The following CSNK1G1 variants were observed in gnomAD, a reference collection of about 807,000 sequenced individuals.
CSNK1G1 encodes the protein casein kinase I isoform gamma-1.
In CSNK1G1, 22 loss-of-function variants were observed where a neutral mutation model predicts 59.6. The observed-to-expected ratio is 0.37, with a 90% confidence interval of 0.26 to 0.53. CSNK1G1 has a LOEUF of 0.53. Among genes scored for constraint, CSNK1G1 ranks in the 20% least tolerant of loss-of-function variants. CSNK1G1 has a pLI of 0.89. For missense variants in CSNK1G1, 384 were observed against 519.5 expected, an observed-to-expected ratio of 0.74 and a Z score of 2.54; for synonymous variants, 179 against 177.1, an observed-to-expected ratio of 1.01 and a Z score of -0.08.
At chr15:64,224,751 C>T (rs959611905) in intron 4 of CSNK1G1, among the ~76,000 whole-genome samples, 8 of 152,228 alleles carry the variant, frequency 5.3e-5, no homozygotes, top group African/African-American at 1.9e-4. Context: ...ACATAGGCTG[C>T]TAACACGAGC....
At chr15:64,354,178 G>A (rs971168646) in intron 1 of CSNK1G1, among the ~76,000 whole-genome samples, 3 of 152,024 alleles carry the variant, frequency 2.0e-5, no homozygotes, top group Non-Finnish European at 2.9e-5. Flanking sequence ...AGTGGCAGGC[G>A]CCTGTGATCC....
At chr15:64,261,068 C>T (rs559215298) in intron 2 of CSNK1G1, among the ~76,000 whole-genome samples, 35 of 152,194 alleles carry the variant, frequency 2.3e-4, no homozygotes, top group Middle Eastern at 3.4e-3. Context: ...CTAAAGGTTA[C>T]TTTATGTTTC....
intron 2 of CSNK1G1, among the ~76,000 whole-genome samples, chr15:64,299,982 G>T (rs1392670074): frequency 6.6e-6 from 1 of 152,048 alleles, no homozygotes; most frequent in Non-Finnish European, 1.5e-5. Context: ...GCATCACCTG[G>T]AATTTGTAAA....
At chr15:64,201,881 G>A (rs2082114647) in intron 10 of CSNK1G1, among the ~76,000 whole-genome samples, 2 of 152,096 alleles carry the variant, frequency 1.3e-5, no homozygotes, top group South Asian at 4.2e-4. Flanking sequence ...AATTTGATAT[G>A]TGATAATTAT....
At chr15:64,295,054 AC>A (rs1203285857) in intron 2 of CSNK1G1, among the ~76,000 whole-genome samples, 2 of 152,128 alleles carry the variant, frequency 1.3e-5, no homozygotes, top group Non-Finnish European at 2.9e-5. Context: ...ACATGGTGAA[AC>A]CCCATCTCTA....
intron 2 of CSNK1G1, among the ~76,000 whole-genome samples, chr15:64,293,411 A>C (rs897502850): frequency 8.5e-5 from 13 of 152,236 alleles, no homozygotes; most frequent in African/African-American, 3.1e-4. Flanking sequence ...ATTTTCCCCT[A>C]TCAGACTGTC....
chr15:64,326,228 G>A (rs980902877), intron 1 of CSNK1G1, among the ~76,000 whole-genome samples: 1 of 152,108 alleles, frequency 6.6e-6, no homozygotes, highest in African/African-American at 2.4e-5. Context: ...GTTTTGCCAT[G>A]TTGCTCAGGC....
At chr15:64,293,778 T>C (rs949880248) in intron 2 of CSNK1G1, among the ~76,000 whole-genome samples, 2 of 152,106 alleles carry the variant, frequency 1.3e-5, no homozygotes, top group African/African-American at 4.8e-5. Flanking sequence ...CAAACCCTAT[T>C]ACTGTGCATG....
At chr15:64,234,223 C>T (rs897083276) in intron 4 of CSNK1G1, among the ~76,000 whole-genome samples, 1 of 152,108 alleles carries the variant, frequency 6.6e-6, no homozygotes, top group African/African-American at 2.4e-5. Flanking sequence ...ACCCTTTACC[C>T]AGTGAACGGG....
intron 10 of CSNK1G1, among the ~76,000 whole-genome samples, chr15:64,182,759 T>A (rs1345340981): frequency 6.6e-6 from 1 of 152,194 alleles, no homozygotes; most frequent in Admixed American, 6.5e-5. Context: ...AAAATCTTAA[T>A]AATTCGTTCA....
At chr15:64,184,676 CAAA>C (rs59052389) in intron 10 of CSNK1G1, among the ~76,000 whole-genome samples, 9 of 81,426 alleles carry the variant, frequency 1.1e-4, no homozygotes, top group Admixed American at 2.6e-4. Flanking sequence ...AACTCTGTCT[CAAA>C]AAAAAAAAAA....
chr15:64,225,587 T>C (rs1163005995), intron 4 of CSNK1G1, among the ~76,000 whole-genome samples: 1 of 152,184 alleles, frequency 6.6e-6, no homozygotes. Context: ...GGGCATAACC[T>C]ATCAGAAGCC....
Position 64,300,622 on chromosome 15 carries a change from C to A in CSNK1G1, c.-123G>T. Reference sequence around the variant, plus strand: ...GAAAGGTAAGGAGTTCTTTTAGCACCATATTTGTTTGTAATGTATCTCCGG... The same window carrying A: ...GAAAGGTAAGGAGTTCTTTTAGCACAATATTTGTTTGTAATGTATCTCCGG... On this transcript the variant is annotated 5_prime_UTR_variant, in exon 2 of 12. The change abolishes an upstream ATG in the 5' untranslated region. Transcript: ENST00000303052. The A allele has an allele frequency of 7.2e-7, 1 of 1,391,628 alleles. No homozygotes were observed. The highest frequency in any genetic ancestry group is 9.4e-7 in the Non-Finnish European group (1 of 1,067,338). The allele number at this position is 1,391,628 out of a possible 1,614,324, so 86.2% of individuals were successfully genotyped here. A position where few individuals can be genotyped will look rare whatever the true frequency, so the allele number is the denominator to read the frequency against.
intron 4 of CSNK1G1, among the ~76,000 whole-genome samples, chr15:64,236,142 CA>C (rs532663571): frequency 0.065 from 4,417 of 68,034 alleles, 147 homozygotes; most frequent in African/African-American, 0.15. Flanking sequence ...GACTCCATCT[CA>C]AAAAAAAAAA....
At chr15:64,251,788 G>T (rs1372434316) in intron 3 of CSNK1G1, among the ~76,000 whole-genome samples, 1 of 152,184 alleles carries the variant, frequency 6.6e-6, no homozygotes, top group African/African-American at 2.4e-5. Flanking sequence ...TCCATGGATA[G>T]TTAAATAAAA....
rs1895271978 is a variant in CSNK1G1 at position 64,300,553 on chromosome 15, C to A, written c.-54G>T. 1 of 1,537,476 alleles carries A rather than the reference C, an allele frequency of 6.5e-7. No homozygotes were observed. The highest frequency in any genetic ancestry group is 8.8e-7 in the Non-Finnish European group (1 of 1,140,336). ...ACAGCAAGTAGCTTCAGTATGTATACCTCTCTTCAATACAAAAGTATGTCC... is the reference window on the plus strand; with the variant it reads ...ACAGCAAGTAGCTTCAGTATGTATAACTCTCTTCAATACAAAAGTATGTCC... On this transcript the variant is annotated 5_prime_UTR_variant, in exon 2 of 12. Transcript: ENST00000303052.
At chr15:64,251,619 C>A (rs753245787) in intron 3 of CSNK1G1, 38 bp from the exon 4 acceptor site, 1 of 1,455,558 alleles carries the variant, frequency 6.9e-7, no homozygotes, top group Non-Finnish European at 9.6e-7. Context: ...CAGATTTAAA[C>A]AAATGGGATT....
chr15:64,194,905 C>A (rs567126650), intron 10 of CSNK1G1: 1 of 152,174 alleles, frequency 6.6e-6, no homozygotes, highest in South Asian at 2.1e-4. Flanking sequence ...GGAGGCATAT[C>A]TTCTTCAGAC....
rs552129679 is a variant in CSNK1G1, at chr15:64,312,793, G to T, written c.-224-12070C>A. ...ACTAAACAGCTGCTGCACAGCAAAA[G>T]AAACTATCATCAGAGTGAACAGGCA... On this transcript the variant is annotated intron_variant, in intron 1 of 11. Coordinates refer to ENST00000303052, the MANE Select transcript of CSNK1G1 (RefSeq NM_022048.5). Among the ~76,000 whole-genome samples, 8 of 152,262 alleles carry T rather than the reference G, an allele frequency of 5.3e-5. No homozygotes were observed. In the East Asian group the frequency reaches 1.5e-3, roughly 29 times the overall value.
Sources: gnomAD v4.1 joint callset for allele counts (sites outside exome capture counted in the v4.1 genomes callset) on GRCh38, gnomAD v4.1.1 for gene constraint, MANE v1.5 for transcripts, NCBI Gene and HGNC (gene_info 2026-07-23, HGNC 2026-07-21) for gene names.